The following AR variants were observed in gnomAD, a reference collection of about 807,000 sequenced individuals.
AR encodes dihydrotestosterone receptor.
Under a neutral mutation model 53.9 loss-of-function variants are expected in AR, and 8 were observed. The ratio of observed to expected loss-of-function variants is 0.15; its 90% CI spans 0.09 to 0.27. The LOEUF (loss-of-function observed/expected upper bound fraction) is 0.27, where lower values mean the gene tolerates loss of function less well. Ranked by LOEUF, AR falls within the 10% of genes least tolerant of loss-of-function variation. The pLI is 1.00. For synonymous variants in AR, 359 were observed against 316.4 expected, an observed-to-expected ratio of 1.13 and a Z score of -1.43; for missense variants, 639 against 742.5, an observed-to-expected ratio of 0.86 and a Z score of 1.62.
chrX:67,665,828 TCA>T (rs953591772), intron 2 of AR, among the ~76,000 whole-genome samples: 7 of 112,045 alleles, frequency 6.2e-5, no homozygotes, highest in African/African-American at 1.6e-4. Flanking sequence ...GTTTGCTGAC[TCA>T]CACCATGGAA....
rs150875066 is a variant in AR at position 67,625,241 on chromosome X, C to T, written c.1617-18015C>T. ...CGTAAGACTTGTATGCTGCAAACCA[C>T]AAAACACTGTGGAAAGTAATTAAAA... On this transcript the variant is annotated intron_variant, in intron 1 of 7. Transcript: ENST00000374690. Among the ~76,000 whole-genome samples, 910 of 110,958 alleles carry T rather than the reference C, an allele frequency of 8.2e-3. 7 individuals carry two copies. Among genetic ancestry groups the T allele is most frequent in the African/African-American group, 0.028 (868 of 30,544 alleles).
At chrX:67,708,461 A>C (rs996748930) in intron 3 of AR, among the ~76,000 whole-genome samples, 1 of 111,750 alleles carries the variant, frequency 8.9e-6, no homozygotes, top group Non-Finnish European at 1.9e-5. Context: ...TGCATTCGTC[A>C]TATAGTTCTC....
chrX:67,687,085 C>T (rs2075970853), intron 3 of AR, among the ~76,000 whole-genome samples: 1 of 111,913 alleles, frequency 8.9e-6, no homozygotes, highest in African/African-American at 3.3e-5. Flanking sequence ...GTGCCTGCAA[C>T]TGTAGCCTCA....
intron 3 of AR, among the ~76,000 whole-genome samples, chrX:67,707,538 C>A (rs186357930): frequency 2.7e-5 from 3 of 111,756 alleles, no homozygotes; most frequent in Admixed American, 9.5e-5. Context: ...TGTGTCTCTG[C>A]ACATGAGATG....
chrX:67,678,405 C>T (rs769794106), intron 2 of AR, among the ~76,000 whole-genome samples: 1 of 112,212 alleles, frequency 8.9e-6, no homozygotes, highest in Admixed American at 9.5e-5. Flanking sequence ...ATTTGTCTTT[C>T]TATGCCTGGC....
chrX:67,695,776 C>T (rs1197865206), intron 3 of AR: 3 of 732,837 alleles, frequency 4.1e-6, no homozygotes, highest in South Asian at 1.4e-4. Flanking sequence ...CACACACGCT[C>T]TCTCTCTCTC....
chrX:67,614,875 T>C (rs1339635967), intron 1 of AR, among the ~76,000 whole-genome samples: 1 of 110,013 alleles, frequency 9.1e-6, no homozygotes, highest in Non-Finnish European at 1.9e-5. Context: ...AAGTAGAGAA[T>C]GCCAATAAAG....
At chrX:67,616,557 A>G (rs1924129426) in intron 1 of AR, among the ~76,000 whole-genome samples, 1 of 111,292 alleles carries the variant, frequency 9.0e-6, no homozygotes, top group Non-Finnish European at 1.9e-5. Context: ...ATAGTAGTCC[A>G]TCGTGTATAT....
At chrX:67,720,418 T>C (rs2076130919) in intron 5 of AR, among the ~76,000 whole-genome samples, 1 of 110,950 alleles carries the variant, frequency 9.0e-6, no homozygotes, top group African/African-American at 3.3e-5. Context: ...CATTCCAGCA[T>C]TGTGATTTCA....
At chrX:67,581,093 T>C (rs931467821) in intron 1 of AR, among the ~76,000 whole-genome samples, 5 of 111,733 alleles carry the variant, frequency 4.5e-5, no homozygotes, top group African/African-American at 1.6e-4. Flanking sequence ...AGCACGTATA[T>C]ACATTTTAAA....
At chrX:67,577,492 C>T (rs1021373559) in intron 1 of AR, among the ~76,000 whole-genome samples, 4 of 110,960 alleles carry the variant, frequency 3.6e-5, no homozygotes, top group African/African-American at 1.3e-4. Flanking sequence ...TGGTATACAC[C>T]TAGGAGTGGA....
intron 2 of AR, among the ~76,000 whole-genome samples, chrX:67,657,916 G>A (rs1413482296): frequency 9.0e-6 from 1 of 110,893 alleles, no homozygotes; most frequent in East Asian, 2.8e-4. Context: ...GGAAATTCAG[G>A]GTCAAAACAG....
intron 2 of AR, among the ~76,000 whole-genome samples, chrX:67,665,992 A>G (rs949956794): frequency 9.0e-6 from 1 of 111,649 alleles, no homozygotes; most frequent in Non-Finnish European, 1.9e-5. Flanking sequence ...ATACAAGCAT[A>G]CAGTGTATAA....
chrX:67,570,684 A>T (rs747089780), intron 1 of AR, among the ~76,000 whole-genome samples: 1 of 111,198 alleles, frequency 9.0e-6, no homozygotes, highest in Non-Finnish European at 1.9e-5. Flanking sequence ...CTGATAAGAC[A>T]TCACAAATAA....
intron 1 of AR, among the ~76,000 whole-genome samples, chrX:67,630,620 G>T (rs1422224072): frequency 2.7e-5 from 3 of 110,503 alleles, no homozygotes; most frequent in African/African-American, 9.9e-5. Flanking sequence ...CTTTTAATTG[G>T]AGCATTTAGT....
At chrX:67,712,884 G>T (rs1381373179) in intron 4 of AR, among the ~76,000 whole-genome samples, 1 of 112,358 alleles carries the variant, frequency 8.9e-6, no homozygotes, top group Non-Finnish European at 1.9e-5. Flanking sequence ...GAGCAATTTT[G>T]TATGTATTAC....
At chrX:67,627,267 T>C (rs1450163356) in intron 1 of AR, among the ~76,000 whole-genome samples, 1 of 111,460 alleles carries the variant, frequency 9.0e-6, no homozygotes, top group African/African-American at 3.3e-5. Flanking sequence ...AGTGTTCCTA[T>C]TTCTCCACAT....
At chrX:67,626,413 T>C (rs1018954752) in intron 1 of AR, among the ~76,000 whole-genome samples, 1 of 104,828 alleles carries the variant, frequency 9.5e-6, no homozygotes, top group Non-Finnish European at 1.9e-5. Context: ...TCCAACCATG[T>C]TGGTGCAAAT....
intron 7 of AR, among the ~76,000 whole-genome samples, 160 bp downstream of exon 7, chrX:67,723,144 C>T (rs1161144450): frequency 1.8e-5 from 2 of 110,042 alleles, no homozygotes; most frequent in East Asian, 5.8e-4. Flanking sequence ...GAAAAGAACA[C>T]GGGTCACAGT....
Sources: gnomAD v4.1 joint callset for allele counts (sites outside exome capture counted in the v4.1 genomes callset) on GRCh38, gnomAD v4.1.1 for gene constraint, MANE v1.5 for transcripts, NCBI Gene and HGNC (gene_info 2026-07-23, HGNC 2026-07-21) for gene names.